The following PPFIBP1 variants were observed in gnomAD, a reference collection of about 807,000 sequenced individuals.
PPFIBP1 encodes liprin-beta-1.
Under a neutral mutation model 137.8 loss-of-function variants are expected in PPFIBP1, and 112 were observed. The ratio of observed to expected loss-of-function variants is 0.81; its 90% CI spans 0.70 to 0.95. The LOEUF (loss-of-function observed/expected upper bound fraction) is 0.95. Among genes scored for constraint, PPFIBP1 ranks in the 40% least tolerant of loss-of-function variants. PPFIBP1 has a pLI of 0.00. For missense variants in PPFIBP1, 1,083 were observed against 1,196.6 expected, an observed-to-expected ratio of 0.91 and a Z score of 1.40; for synonymous variants, 378 against 417.3, an observed-to-expected ratio of 0.91 and a Z score of 1.15.
intron 1 of PPFIBP1, among the ~76,000 whole-genome samples, chr12:27,571,450 G>A (rs2050139981): frequency 2.6e-5 from 4 of 152,152 alleles, no homozygotes; most frequent in Admixed American, 2.0e-4. Flanking sequence ...GGGAAAATGG[G>A]GGAGGAGATG....
intron 1 of PPFIBP1, among the ~76,000 whole-genome samples, chr12:27,577,789 G>A (rs370721439): frequency 1.3e-5 from 2 of 151,988 alleles, no homozygotes; most frequent in Admixed American, 6.6e-5. Flanking sequence ...TTGCAAAACC[G>A]TGGTTCATTC....
chr12:27,571,400 C>A (rs11049050), intron 1 of PPFIBP1, among the ~76,000 whole-genome samples: 12 of 151,854 alleles, frequency 7.9e-5, no homozygotes, highest in Non-Finnish European at 1.5e-4. Context: ...ATTTACCCAC[C>A]GAAAAAGCAT....
intron 1 of PPFIBP1, among the ~76,000 whole-genome samples, chr12:27,535,723 T>C (rs1944924405): frequency 1.3e-5 from 2 of 152,238 alleles, no homozygotes; most frequent in Non-Finnish European, 2.9e-5. Context: ...AATGAAAATA[T>C]AGAGCATTGA....
chr12:27,610,886 C>A (rs1592834970), intron 2 of PPFIBP1, among the ~76,000 whole-genome samples: 1 of 144,682 alleles, frequency 6.9e-6, no homozygotes, highest in Non-Finnish European at 1.5e-5. Flanking sequence ...AGTTATTTTT[C>A]TTTTTTTTTT....
chr12:27,656,780 A>G, intron 9 of PPFIBP1, 50 bp downstream of exon 9: 1 of 1,230,338 alleles, frequency 8.1e-7, no homozygotes, highest in Non-Finnish European at 1.2e-6. Flanking sequence ...AAAGTCCTCC[A>G]AAATCTGTAA....
In PPFIBP1 at chr12:27,633,424, G is replaced by A. The variant is rs2057398219; in HGVS notation, c.28G>A (p.Ala10Thr). ...GATGAGTGATGCAAGTGACATGTTG[G>A]CTGCAGCGTTGGAGCAGATGGATGG... is the stretch of plus-strand genomic sequence containing the variant. The part of the protein sequence containing the change: MMSDASDML[A>T]AALEQMDGII... The change falls in exon 3 of 30, where the codon GCT (alanine) becomes ACT (threonine). Residue 10 changes from alanine to threonine, a missense_variant. Transcript: ENST00000228425. 1.2e-6 allele frequency: 2 copies of A among 1,613,460 alleles called. No homozygotes were observed. Among genetic ancestry groups the A allele is most frequent in the South Asian group, 2.2e-5 (2 of 91,038 alleles).
intron 1 of PPFIBP1, among the ~76,000 whole-genome samples, chr12:27,560,888 A>G (rs1286570872): frequency 6.6e-6 from 1 of 152,228 alleles, no homozygotes; most frequent in Non-Finnish European, 1.5e-5. Flanking sequence ...AATAACACAT[A>G]AAACTGGAAA....
Position 27,634,944 on chromosome 12 carries a change from T to G in PPFIBP1, c.99T>G (p.Phe33Leu). 6.2e-7 allele frequency: 1 copy of G among 1,614,166 alleles called. No individual in the cohort carries two copies. The highest frequency in any genetic ancestry group is 8.5e-7 in the Non-Finnish European group (1 of 1,179,976). The part of the protein sequence containing the change: ...SKALEYSNGI[F>L]DCQSPTSPFM... ...CTCTGGAATATTCCAATGGGATTTT[T>G]GATTGCCAATCTCCCACCTCTCCAT... is the stretch of plus-strand genomic sequence containing the variant. Residue 33 changes from phenylalanine (F) to leucine (L), a missense_variant, in exon 4 of 30, where the codon TTT becomes TTG. Coordinates refer to ENST00000228425, the MANE Select transcript of PPFIBP1 (RefSeq NM_003622.4).
At chr12:27,617,781 C>CTA (rs1162315388) in intron 2 of PPFIBP1, among the ~76,000 whole-genome samples, 1 of 152,074 alleles carries the variant, frequency 6.6e-6, no homozygotes, top group Non-Finnish European at 1.5e-5. Context: ...AGAGGGCTGA[C>CTA]TATATATATG....
intron 2 of PPFIBP1, among the ~76,000 whole-genome samples, chr12:27,621,892 G>T (rs2056377503): frequency 6.6e-6 from 1 of 152,114 alleles, no homozygotes; most frequent in Non-Finnish European, 1.5e-5. Context: ...AAAATATATA[G>T]CTTTTATTGT....
At chr12:27,544,251 A>G (rs1565737682) in intron 1 of PPFIBP1, among the ~76,000 whole-genome samples, 6 of 152,104 alleles carry the variant, frequency 3.9e-5, no homozygotes. Flanking sequence ...TGGTTAGGAG[A>G]GAATGGACAA....
At chr12:27,599,011 A>T (rs1451538658) in intron 2 of PPFIBP1, among the ~76,000 whole-genome samples, 4 of 152,238 alleles carry the variant, frequency 2.6e-5, no homozygotes, top group Admixed American at 2.0e-4. Context: ...AATAATAACT[A>T]AGAATTGGAA....
chr12:27,670,462 A>G (rs2060109318), intron 13 of PPFIBP1, among the ~76,000 whole-genome samples: 1 of 152,206 alleles, frequency 6.6e-6, no homozygotes. Context: ...TCCATATAAG[A>G]TTAGTAGTAG....
rs143657387 is a variant in PPFIBP1, at chr12:27,635,038, G to A, written c.193G>A (p.Asp65Asn). Reference protein sequence around the residue: ...LRGLLEMMETDEKEGLRCQIP... With the variant: ...LRGLLEMMETNEKEGLRCQIP... ...TGGATTGTTAGAGATGATGGAAACA[G>A]ATGAGAAAGAAGGCTTGAGATGCCA... Residue 65 changes from aspartate (D) to asparagine (N), a missense_variant, in exon 4 of 30, where the codon GAT (aspartate) becomes AAT (asparagine). By Grantham distance (23) the Asp-to-Asn change is conservative (BLOSUM62 1). Transcript: ENST00000228425. The A allele has an allele frequency of 2.9e-4, 464 of 1,614,180 alleles. No individual in the cohort carries two copies. The highest frequency in any genetic ancestry group is 3.6e-4 in the Non-Finnish European group (428 of 1,180,000).
At chr12:27,684,899 C>A (rs2061106055) in intron 24 of PPFIBP1, among the ~76,000 whole-genome samples, 3 of 152,104 alleles carry the variant, frequency 2.0e-5, no homozygotes, top group South Asian at 2.1e-4. Context: ...TGATTACATT[C>A]ATCAAAATTA....
chr12:27,536,722 T>C (rs1945064159), intron 1 of PPFIBP1, among the ~76,000 whole-genome samples: 1 of 152,182 alleles, frequency 6.6e-6, no homozygotes, highest in African/African-American at 2.4e-5. Context: ...GGCTCCATTG[T>C]CCCATTGGAC....
chr12:27,675,667 CA>C (rs1441692193), intron 17 of PPFIBP1, among the ~76,000 whole-genome samples: 1 of 151,916 alleles, frequency 6.6e-6, no homozygotes, highest in Non-Finnish European at 1.5e-5. Context: ...ACCAAATCAA[CA>C]AAAATCAACT....
At chr12:27,679,128 A>G (rs1008493251) in intron 19 of PPFIBP1, among the ~76,000 whole-genome samples, 2 of 152,184 alleles carry the variant, frequency 1.3e-5, no homozygotes, top group African/African-American at 4.8e-5. Flanking sequence ...GAGAGTGGTC[A>G]TGTCAAGAAG....
intron 7 of PPFIBP1, among the ~76,000 whole-genome samples, chr12:27,650,403 C>G (rs1269820225): frequency 6.6e-6 from 1 of 152,106 alleles, no homozygotes; most frequent in Non-Finnish European, 1.5e-5. Context: ...TTTAGAAATA[C>G]TTTTGACTTT....
Sources: gnomAD v4.1 joint callset for allele counts (sites outside exome capture counted in the v4.1 genomes callset) on GRCh38, gnomAD v4.1.1 for gene constraint, MANE v1.5 for transcripts, NCBI Gene and HGNC (gene_info 2026-07-23, HGNC 2026-07-21) for gene names.